The following MYO3B variants were observed in gnomAD, a reference collection of about 807,000 sequenced individuals.
MYO3B encodes the protein myosin IIIB.
A neutral mutation model predicts 174.6 loss-of-function variants in MYO3B; 156 were observed. The observed-to-expected ratio is 0.89, with a 90% CI of 0.78 to 1.02. The LOEUF (loss-of-function observed/expected upper bound fraction) is 1.02, where lower values mean the gene tolerates loss of function less well. MYO3B is among the 50% of genes least tolerant of loss of function. MYO3B has a pLI of 0.00. For missense variants in MYO3B, 1,632 were observed against 1,639.4 expected (o/e 1.00, Z 0.08); for synonymous variants, 563 against 569.1 (o/e 0.99, Z 0.15).
intron 22 of MYO3B, among the ~76,000 whole-genome samples, chr2:170,413,539 G>T (rs2094558875): frequency 6.6e-6 from 1 of 152,144 alleles, no homozygotes; most frequent in African/African-American, 2.4e-5. Flanking sequence ...GAACAAGGGT[G>T]TTAGAGACTG....
At chr2:170,532,834 AAG>A (rs1575125599) in intron 30 of MYO3B, among the ~76,000 whole-genome samples, 2 of 151,704 alleles carry the variant, frequency 1.3e-5, no homozygotes, top group African/African-American at 2.4e-5. Flanking sequence ...AAAAAAAAAA[AAG>A]AGTATCAGGT....
chr2:170,650,449 C>A (rs987486683), intron 32 of MYO3B, among the ~76,000 whole-genome samples: 3 of 151,872 alleles, frequency 2.0e-5, no homozygotes, highest in African/African-American at 7.3e-5. Context: ...GTAAAATCTC[C>A]AACTCTTTTT....
At chr2:170,438,279 T>G (rs960804871) in intron 22 of MYO3B, among the ~76,000 whole-genome samples, 10 of 152,206 alleles carry the variant, frequency 6.6e-5, no homozygotes, top group African/African-American at 2.4e-4. Flanking sequence ...TTTTTAAGGC[T>G]GGGTATTCAA....
intron 25 of MYO3B, among the ~76,000 whole-genome samples, chr2:170,471,038 T>C (rs1684948597): frequency 6.6e-6 from 1 of 151,670 alleles, no homozygotes; most frequent in Non-Finnish European, 1.5e-5. Flanking sequence ...TCTCACTCTA[T>C]GGGTTGTTTT....
chr2:170,651,105 G>A (rs536017383), intron 32 of MYO3B, among the ~76,000 whole-genome samples: 7 of 152,202 alleles, frequency 4.6e-5, no homozygotes, highest in African/African-American at 1.7e-4. Context: ...TCCAAAGACT[G>A]CATGCATCAG....
intron 7 of MYO3B, among the ~76,000 whole-genome samples, chr2:170,279,979 T>A (rs1208179198): frequency 1.3e-5 from 2 of 152,114 alleles, no homozygotes; most frequent in Non-Finnish European, 2.9e-5. Flanking sequence ...TGGGTATATA[T>A]CCAGTAATGG....
intron 1 of MYO3B, chr2:170,180,236 C>A: frequency 2.6e-6 from 1 of 380,064 alleles, no homozygotes. Context: ...AGGGATCAGA[C>A]TAGACCAATT....
At chr2:170,505,335 C>G (rs962772098) in intron 28 of MYO3B, among the ~76,000 whole-genome samples, 5 of 152,104 alleles carry the variant, frequency 3.3e-5, no homozygotes, top group Non-Finnish European at 5.9e-5. Context: ...GTTTTTTGTA[C>G]TGGTTAATTC....
chr2:170,501,390 C>T (rs767169725), intron 27 of MYO3B, among the ~76,000 whole-genome samples: 17 of 152,180 alleles, frequency 1.1e-4, no homozygotes, highest in Non-Finnish European at 1.9e-4. Context: ...AAGGGTCAGG[C>T]TATTCCAGTT....
At chr2:170,467,599 A>G (rs1288543117) in intron 25 of MYO3B, among the ~76,000 whole-genome samples, 1 of 152,054 alleles carries the variant, frequency 6.6e-6, no homozygotes, top group Admixed American at 6.6e-5. Flanking sequence ...AATCCATTGT[A>G]TGCCTGACAA....
intron 22 of MYO3B, among the ~76,000 whole-genome samples, chr2:170,440,282 A>T (rs1030709110): frequency 6.6e-6 from 1 of 152,072 alleles, no homozygotes; most frequent in African/African-American, 2.4e-5. Flanking sequence ...TTGTGGTTCT[A>T]TATGAATTTT....
chr2:170,605,233 C>G (rs977990553), intron 32 of MYO3B, among the ~76,000 whole-genome samples: 3 of 152,220 alleles, frequency 2.0e-5, no homozygotes, highest in African/African-American at 7.2e-5. Context: ...ACTCACCCTT[C>G]TGGCTTTCCC....
intron 8 of MYO3B, among the ~76,000 whole-genome samples, chr2:170,357,678 T>G (rs1315307065): frequency 6.6e-6 from 1 of 152,158 alleles, no homozygotes; most frequent in Non-Finnish European, 1.5e-5. Flanking sequence ...TATTTTAAAA[T>G]TTGCATACGT....
At chr2:170,250,277 G>A (rs2093236969) in intron 7 of MYO3B, among the ~76,000 whole-genome samples, 2 of 152,168 alleles carry the variant, frequency 1.3e-5, no homozygotes, top group Admixed American at 6.5e-5. Context: ...AAATTTAGTA[G>A]CACTTGTTCA....
At chr2:170,236,250 T>C (rs2093068986) in intron 7 of MYO3B, 114 bp downstream of exon 7, 1 of 1,382,876 alleles carries the variant, frequency 7.2e-7, no homozygotes, top group Non-Finnish European at 9.9e-7. Flanking sequence ...AGCCTGATTG[T>C]GAAATATATT....
chr2:170,236,009 C>T lies in MYO3B; in HGVS notation c.622C>T (p.Gln208Ter), dbSNP rs2093065559. ...MAPEVIACEQ[Q>*]YDSSYDARCD... is the part of the protein sequence containing the mutation. The stretch of plus-strand genomic sequence containing the variant: ...CCAATAGGTCATTGCCTGTGAGCAG[C>T]AGTATGACTCTTCCTATGACGCTCG... Residue 208 changes from glutamine to a stop codon, truncating the protein, a stop_gained, in exon 7 of 35, where the codon CAG becomes TAG. Coordinates refer to ENST00000408978, the MANE Select transcript of MYO3B (RefSeq NM_138995.5). LOFTEE classifies it high-confidence loss of function. 1 of 1,614,038 alleles carries T rather than the reference C, an allele frequency of 6.2e-7. No homozygotes were observed.
intron 1 of MYO3B, among the ~76,000 whole-genome samples, chr2:170,192,953 C>T (rs1041237354): frequency 6.6e-6 from 1 of 151,518 alleles, no homozygotes; most frequent in Non-Finnish European, 1.5e-5. Flanking sequence ...TAATGTATTC[C>T]TTATTTTTAA....
chr2:170,521,321 A>G (rs1281746011), intron 30 of MYO3B, among the ~76,000 whole-genome samples: 1 of 152,128 alleles, frequency 6.6e-6, no homozygotes, highest in Admixed American at 6.5e-5. Flanking sequence ...AAAGTTTACA[A>G]TTTCTAATGT....
intron 7 of MYO3B, among the ~76,000 whole-genome samples, chr2:170,284,993 C>A (rs2093543785): frequency 6.6e-6 from 1 of 152,158 alleles, no homozygotes; most frequent in Non-Finnish European, 1.5e-5. Context: ...TTTTGAGTTG[C>A]TAAACATCAT....
Sources: gnomAD v4.1 joint callset for allele counts (sites outside exome capture counted in the v4.1 genomes callset) on GRCh38, gnomAD v4.1.1 for gene constraint, MANE v1.5 for transcripts, NCBI Gene and HGNC (gene_info 2026-07-23, HGNC 2026-07-21) for gene names.